The following GABRB2 variants were observed in gnomAD, a reference collection of about 807,000 sequenced individuals.
GABRB2 encodes gamma-aminobutyric acid receptor subunit beta-2.
Under a neutral mutation model 54.7 loss-of-function variants are expected in GABRB2, and 16 were observed. That is an observed-to-expected ratio of 0.29 (90% CI 0.20 to 0.44). GABRB2 has a LOEUF of 0.44. Ranked by LOEUF, GABRB2 falls within the 20% of genes least tolerant of loss-of-function variation. The pLI is 1.00. For missense variants in GABRB2, 355 were observed against 644.0 expected (o/e 0.55, Z 4.86); for synonymous variants, 244 against 233.8 (o/e 1.04, Z -0.40).
At chr5:161,497,066 AAG>A (rs1389645135) in intron 3 of GABRB2, among the ~76,000 whole-genome samples, 1 of 152,134 alleles carries the variant, frequency 6.6e-6, no homozygotes, top group Non-Finnish European at 1.5e-5. Context: ...CTCATGTTAG[AAG>A]TTTTGTATTT....
At position 161,422,178 on chromosome 5, in the gene GABRB2, T is replaced by A. The variant is rs1485424150; in HGVS notation, c.459-11121A>T. On this transcript the variant is annotated intron_variant, in intron 4 of 9. Coordinates refer to ENST00000393959, the MANE Select transcript of GABRB2 (RefSeq NM_001371727.1). ...TAAAAATTCTACTCTAATAAATTAA[T>A]GTGAATTTATACAAAACTGTATGCC... 4.6e-5 allele frequency among the ~76,000 whole-genome samples: 7 copies of A among 152,118 alleles called. No homozygotes were observed. In the East Asian group the frequency reaches 1.3e-3, roughly 29 times the overall value.
rs913288945 is a variant in GABRB2, at chr5:161,513,067, A to C, written c.237+32160T>G. 2.0e-5 allele frequency among the ~76,000 whole-genome samples: 3 copies of C among 151,258 alleles called. No individual in the cohort carries two copies. In the Admixed American group the frequency reaches 2.0e-4, roughly 10 times the overall value. ...ATAAAAAGAAAAAAGAAAAAAAAAA[A>C]CAAAAAAACAAGAGATGCTGGTGGG... On this transcript the variant is annotated intron_variant, in intron 3 of 9. Coordinates refer to ENST00000393959, the MANE Select transcript of GABRB2 (RefSeq NM_001371727.1).
At chr5:161,364,629 C>T (rs7724086) in intron 5 of GABRB2, among the ~76,000 whole-genome samples, 25,346 of 151,970 alleles carry the variant, frequency 0.17, 2,916 homozygotes, top group African/African-American at 0.32. Flanking sequence ...CATAGGTGTA[C>T]GCCCATAGCA....
intron 4 of GABRB2, among the ~76,000 whole-genome samples, chr5:161,444,931 G>A (rs13188330): frequency 0.022 from 3,312 of 152,202 alleles, 59 homozygotes; most frequent in Non-Finnish European, 0.034. Context: ...GACAGACAGA[G>A]TAATAAATCA....
At chr5:161,305,040 C>T (rs1283580174) in intron 9 of GABRB2, among the ~76,000 whole-genome samples, 6 of 129,520 alleles carry the variant, frequency 4.6e-5, no homozygotes, top group South Asian at 2.5e-4. Context: ...GACGGAGTCT[C>T]GCTCTGTCGC....
chr5:161,513,186 A>G (rs1759833251), intron 3 of GABRB2, among the ~76,000 whole-genome samples: 1 of 152,062 alleles, frequency 6.6e-6, no homozygotes, highest in Non-Finnish European at 1.5e-5. Flanking sequence ...GACTTAAAAT[A>G]TTAAGAACTA....
chr5:161,541,092 G>A lies in GABRB2; in HGVS notation c.237+4135C>T, dbSNP rs138136804. Among the ~76,000 whole-genome samples, 746 of 152,110 alleles carry A rather than the reference G, an allele frequency of 4.9e-3. 14 individuals are homozygous for A. Among genetic ancestry groups the A allele is most frequent in the African/African-American group, 0.017 (719 of 41,486 alleles). Reference sequence around the variant, plus strand: ...AATGTCTGGGCTCAAGGTATTTGCCGGCCTCAGCCTCCCAAACTGTTGGAA... The same window carrying A: ...AATGTCTGGGCTCAAGGTATTTGCCAGCCTCAGCCTCCCAAACTGTTGGAA... On this transcript the variant is annotated intron_variant, in intron 3 of 9. Transcript: ENST00000393959.
chr5:161,412,489 C>G (rs72813553), intron 4 of GABRB2, among the ~76,000 whole-genome samples: 9,520 of 152,256 alleles, frequency 0.063, 430 homozygotes, highest in Middle Eastern at 0.085. Flanking sequence ...CCCAGCCACT[C>G]TATTCACTGC....
chr5:161,369,213 C>G (rs1049956764), intron 5 of GABRB2, among the ~76,000 whole-genome samples: 1 of 152,114 alleles, frequency 6.6e-6, no homozygotes, highest in African/African-American at 2.4e-5. Flanking sequence ...ATTAGTATGC[C>G]CAAATCTATG....
chr5:161,533,744 T>C (rs1160393963), intron 3 of GABRB2, among the ~76,000 whole-genome samples: 4 of 152,166 alleles, frequency 2.6e-5, no homozygotes, highest in Non-Finnish European at 5.9e-5. Context: ...TTGCATATGT[T>C]GTAAGCTCAT....
At chr5:161,440,874 C>A (rs2113208100) in intron 4 of GABRB2, among the ~76,000 whole-genome samples, 1 of 152,244 alleles carries the variant, frequency 6.6e-6, no homozygotes, top group Admixed American at 6.5e-5. Flanking sequence ...GGCGAAAATA[C>A]AATGTCTTCA....
intron 5 of GABRB2, among the ~76,000 whole-genome samples, chr5:161,390,927 G>C (rs1755802757): frequency 6.6e-6 from 1 of 152,050 alleles, no homozygotes; most frequent in South Asian, 2.1e-4. Context: ...CATCTTCTTA[G>C]GTTTCAAATA....
At chr5:161,308,169 C>A (rs1009107215) in intron 9 of GABRB2, among the ~76,000 whole-genome samples, 7 of 152,056 alleles carry the variant, frequency 4.6e-5, no homozygotes, top group Non-Finnish European at 8.8e-5. Flanking sequence ...CTGACTAATT[C>A]TTTATATTTT....
intron 5 of GABRB2, among the ~76,000 whole-genome samples, chr5:161,339,267 C>A (rs1475219950): frequency 1.3e-5 from 2 of 152,100 alleles, no homozygotes; most frequent in African/African-American, 4.8e-5. Flanking sequence ...AACCAAGATT[C>A]TCCTTGGTTT....
intron 2 of GABRB2, among the ~76,000 whole-genome samples, 194 bp downstream of exon 2, chr5:161,546,128 T>A (rs1300465114): frequency 1.3e-5 from 2 of 152,238 alleles, no homozygotes; most frequent in African/African-American, 4.8e-5. Context: ...TAAGAGGGTC[T>A]CATTGAAAGA....
intron 4 of GABRB2, among the ~76,000 whole-genome samples, chr5:161,441,876 C>T (rs1757474488): frequency 6.6e-6 from 1 of 152,058 alleles, no homozygotes; most frequent in Non-Finnish European, 1.5e-5. Context: ...CATGTTCTCA[C>T]TTATTTGGGG....
chr5:161,325,041 A>C (rs1018411363), intron 9 of GABRB2, among the ~76,000 whole-genome samples: 7 of 152,084 alleles, frequency 4.6e-5, no homozygotes, highest in Non-Finnish European at 8.8e-5. Flanking sequence ...GGTTTTACCC[A>C]GTCTTTACAA....
intron 8 of GABRB2, among the ~76,000 whole-genome samples, chr5:161,327,485 T>G (rs1758404267): frequency 6.6e-6 from 1 of 152,214 alleles, no homozygotes; most frequent in South Asian, 2.1e-4. Context: ...CTATGTGACC[T>G]TGGCTATTTC....
At chr5:161,533,531 G>A (rs1760532018) in intron 3 of GABRB2, among the ~76,000 whole-genome samples, 1 of 151,986 alleles carries the variant, frequency 6.6e-6, no homozygotes, top group African/African-American at 2.4e-5. Context: ...TCATTTAGAT[G>A]CTATTTAAAT....
Sources: gnomAD v4.1 joint callset for allele counts (sites outside exome capture counted in the v4.1 genomes callset) on GRCh38, gnomAD v4.1.1 for gene constraint, MANE v1.5 for transcripts, NCBI Gene and HGNC (gene_info 2026-07-23, HGNC 2026-07-21) for gene names.